The following TPTE2 variants were observed in gnomAD, a reference collection of about 807,000 sequenced individuals.
TPTE2 encodes the protein phosphatidylinositol 3,4,5-trisphosphate 3-phosphatase TPTE2.
In TPTE2, 53 loss-of-function variants were observed where a neutral mutation model predicts 78.6. That is an observed-to-expected ratio of 0.67 (90% CI 0.54 to 0.85). The LOEUF is 0.85. Among genes scored for constraint, TPTE2 ranks in the 40% least tolerant of loss-of-function variants. The pLI, the probability that TPTE2 is intolerant of heterozygous loss-of-function variation, is 0.00. For missense variants in TPTE2, 461 were observed against 623.0 expected (o/e 0.74, Z 2.77); for synonymous variants, 175 against 206.2 (o/e 0.85, Z 1.30).
rs1203936569 is a variant in TPTE2 at position 19,451,214 on chromosome 13, C to T, written c.753G>A (p.Arg251=). ...GGTTTCGATGTTTCTTATCTAGAAA[C>T]CGCACAACTTCCTAAAAAAGACAAA... Residue 251 remains arginine (R), a synonymous_variant, in exon 11 of 20, where the codon CGG becomes CGA. Transcript: ENST00000400230. 7 of 1,613,386 alleles carry T rather than the reference C, an allele frequency of 4.3e-6. No individual in the cohort carries two copies. In the Admixed American group the frequency reaches 5.0e-5, roughly 12 times the overall value.
intron 15 of TPTE2, 124 bp from the exon 19 acceptor site, chr13:19,432,702 G>C: frequency 1.9e-6 from 1 of 514,418 alleles, no homozygotes; most frequent in East Asian, 3.5e-5. Flanking sequence ...ACATTTACTG[G>C]ATGCCATTAT....
At chr13:19,560,435 A>G in the TPTE2 span, 269 of 1,608,636 alleles carry the variant, frequency 1.7e-4, no homozygotes, top group East Asian at 7.6e-4. Context: ...GCGAAGGCCA[A>G]CTCATCCTGC....
At chr13:19,438,031 A>G (rs758039174) in intron 14 of TPTE2, 61 bp downstream of exon 17, 96 of 1,576,656 alleles carry the variant, frequency 6.1e-5, no homozygotes, top group Non-Finnish European at 8.1e-5. Flanking sequence ...CCTACCAGCG[A>G]TCTTTCAGAA....
At chr13:19,468,609 T>A (rs1879432781) in intron 6 of TPTE2, among the ~76,000 whole-genome samples, 1 of 152,214 alleles carries the variant, frequency 6.6e-6, no homozygotes, top group Non-Finnish European at 1.5e-5. Context: ...TCCAATTGAT[T>A]CTACTAATTT....
At chr13:19,450,537 A>G (rs1175003550) in intron 11 of TPTE2, among the ~76,000 whole-genome samples, 193 bp from the exon 15 acceptor site, 2 of 152,216 alleles carry the variant, frequency 1.3e-5, no homozygotes, top group East Asian at 3.8e-4. Context: ...TATCCATCTC[A>G]TGTAACCTAA....
At chr13:19,555,873 C>T in the TPTE2 span, among the ~76,000 whole-genome samples, 6 of 118,942 alleles carry the variant, frequency 5.0e-5, no homozygotes, top group Admixed American at 1.2e-4. Context: ...AGTGTAATGG[C>T]GCAATTTTGG....
intron 13 of TPTE2, among the ~76,000 whole-genome samples, chr13:19,441,970 G>C (rs1328295832): frequency 1.3e-5 from 2 of 152,070 alleles, no homozygotes; most frequent in Non-Finnish European, 2.9e-5. Flanking sequence ...CATAGAAAAG[G>C]AGTATATGAC....
intron 10 of TPTE2, among the ~76,000 whole-genome samples, chr13:19,459,731 T>C (rs1280044831): frequency 3.3e-5 from 5 of 152,090 alleles, no homozygotes; most frequent in Admixed American, 1.3e-4. Context: ...TGAGGAGGAA[T>C]GGATTGGGGT....
At chr13:19,442,459 G>A (rs1483010343) in intron 13 of TPTE2, among the ~76,000 whole-genome samples, 6 of 152,022 alleles carry the variant, frequency 3.9e-5, no homozygotes, top group South Asian at 2.1e-4. Context: ...GCCTTAAATC[G>A]TAAATAGAAA....
chr13:19,554,750 G>A, the TPTE2 span, among the ~76,000 whole-genome samples: 7 of 152,136 alleles, frequency 4.6e-5, no homozygotes, highest in Non-Finnish European at 7.3e-5. Flanking sequence ...TCTTCTAACT[G>A]TGTAAGCCTT....
chr13:19,543,703 C>A, the TPTE2 span, among the ~76,000 whole-genome samples: 1 of 151,822 alleles, frequency 6.6e-6, no homozygotes, highest in Non-Finnish European at 1.5e-5. Context: ...GAATACTATA[C>A]AAATTATATT....
At chr13:19,510,096 C>A (rs1318340624) in intron 1 of TPTE2, among the ~76,000 whole-genome samples, 2 of 152,120 alleles carry the variant, frequency 1.3e-5, no homozygotes, top group Non-Finnish European at 1.5e-5. Context: ...GAATGAAGAA[C>A]AACAATGCCA....
intron 13 of TPTE2, among the ~76,000 whole-genome samples, chr13:19,446,062 G>A (rs1200157580): frequency 2.0e-5 from 3 of 152,198 alleles, no homozygotes; most frequent in Non-Finnish European, 2.9e-5. Flanking sequence ...TTGAAAAGAT[G>A]TGCAAAGACA....
intron 4 of TPTE2, among the ~76,000 whole-genome samples, chr13:19,481,685 C>T (rs7334599): frequency 0.11 from 16,309 of 152,144 alleles, 989 homozygotes; most frequent in Middle Eastern, 0.19. Context: ...TTACAGAAAA[C>T]GTATAGCTAA....
intron 1 of TPTE2, among the ~76,000 whole-genome samples, chr13:19,511,852 CTTT>C (rs35102447): frequency 1.3e-4 from 20 of 150,990 alleles, no homozygotes; most frequent in Non-Finnish European, 2.5e-4. Flanking sequence ...AGAAAAACCA[CTTT>C]TTTTAAAAAA....
rs58532474 is a variant in TPTE2, at chr13:19,481,357, T to C, written c.179+1131A>G. ...AATATCCAGTACATAGATTGCATCA[T>C]AGCCAGTTTACATTTGAATAATCTG... On this transcript the variant is annotated intron_variant, in intron 4 of 19. Transcript: ENST00000400230. 6.1e-3 allele frequency among the ~76,000 whole-genome samples: 933 copies of C among 152,320 alleles called. 11 individuals are homozygous for C. The highest frequency in any genetic ancestry group is 0.022 in the African/African-American group (916 of 41,572).
At chr13:19,472,181 T>C (rs1214743327) in intron 6 of TPTE2, among the ~76,000 whole-genome samples, 3 of 152,192 alleles carry the variant, frequency 2.0e-5, no homozygotes, top group African/African-American at 7.2e-5. Flanking sequence ...CGGTGTTTTA[T>C]AACTTTCTTG....
chr13:19,482,257 T>C (rs1425256984), intron 4 of TPTE2, among the ~76,000 whole-genome samples: 2 of 152,302 alleles, frequency 1.3e-5, no homozygotes, highest in South Asian at 2.1e-4. Flanking sequence ...AGAATACTTT[T>C]TACATTTTCA....
intron 18 of TPTE2, among the ~76,000 whole-genome samples, chr13:19,426,103 T>C (rs567978220): frequency 1.4e-5 from 2 of 144,116 alleles, no homozygotes; most frequent in Non-Finnish European, 3.0e-5. Context: ...AATGTAATCA[T>C]TGCTATGCAG....
Sources: allele counts gnomAD v4.1 joint callset (sites outside exome capture counted in the v4.1 genomes callset), GRCh38; gene constraint gnomAD v4.1.1; transcripts MANE v1.5; gene names NCBI Gene and HGNC (gene_info 2026-07-23, HGNC 2026-07-21).